Variants in TUSC3 observed in about 807,000 individuals in gnomAD.
TUSC3 encodes dolichyl-diphosphooligosaccharide--protein glycosyltransferase subunit TUSC3.
TUSC3 carries 45 observed loss-of-function variants against 44.8 expected under a neutral mutation model. That is an observed-to-expected ratio of 1.00 (90% CI 0.79 to 1.29). The LOEUF (loss-of-function observed/expected upper bound fraction) is 1.29. Among genes scored for constraint, TUSC3 ranks in the 50% most tolerant of loss-of-function variants. The pLI is 0.00. For synonymous variants in TUSC3, 212 were observed against 152.9 expected, an observed-to-expected ratio of 1.39 and a Z score of -2.85; for missense variants, 519 against 437.9, an observed-to-expected ratio of 1.19 and a Z score of -1.65.
Position 15,686,822 on chromosome 8 carries a change from A to C in TUSC3, c.798+12986A>C, listed in dbSNP as rs538232320. Among the ~76,000 whole-genome samples, 6 of 152,102 alleles carry C rather than the reference A, an allele frequency of 3.9e-5. No individual in the cohort carries two copies. In the East Asian group the frequency reaches 1.2e-3, roughly 29 times the overall value. ...GGTGGCTCAAGCCTGTAATCCCAGC[A>C]CTTTAGGAGGCCGAGTTTGGCGGAT... On this transcript the variant is annotated intron_variant, in intron 6 of 10. Transcript: ENST00000503731.
At chr8:15,705,216 G>A (rs1809568441) in intron 6 of TUSC3, among the ~76,000 whole-genome samples, 1 of 151,708 alleles carries the variant, frequency 6.6e-6, no homozygotes, top group Admixed American at 6.6e-5. Context: ...TTGATTTGAT[G>A]ATGAAAGGAA....
chr8:15,456,023 T>G (rs1166645058), intron 1 of TUSC3, among the ~76,000 whole-genome samples: 1 of 152,054 alleles, frequency 6.6e-6, no homozygotes, highest in Non-Finnish European at 1.5e-5. Context: ...TACCAACCAC[T>G]CCGGTGGCCC....
intron 1 of TUSC3, among the ~76,000 whole-genome samples, chr8:15,586,779 A>T (rs1803621482): frequency 6.6e-6 from 1 of 152,154 alleles, no homozygotes; most frequent in Non-Finnish European, 1.5e-5. Flanking sequence ...GGGGAGCAGG[A>T]TCAGTAGGTG....
At chr8:15,672,155 G>T (rs1807976864) in intron 5 of TUSC3, among the ~76,000 whole-genome samples, 1 of 152,010 alleles carries the variant, frequency 6.6e-6, no homozygotes, top group Non-Finnish European at 1.5e-5. Flanking sequence ...AGCATGCAGT[G>T]CCAGTTAAGG....
chr8:15,492,213 T>C (rs1418106285), intron 2 of TUSC3, among the ~76,000 whole-genome samples: 2 of 152,114 alleles, frequency 1.3e-5, no homozygotes, highest in Non-Finnish European at 2.9e-5. Flanking sequence ...TGAATCTTAC[T>C]TGGGTACGTT....
intron 1 of TUSC3, among the ~76,000 whole-genome samples, chr8:15,573,230 A>ATATATATATATATGT (rs1491232177): frequency 1.9e-5 from 2 of 106,134 alleles, no homozygotes; most frequent in African/African-American, 7.7e-5. Flanking sequence ...ATATATATAT[A>ATATATATATATATGT]AAAGTTTTTT....
intron 3 of TUSC3, among the ~76,000 whole-genome samples, chr8:15,652,018 T>A (rs140236420): frequency 9.8e-5 from 15 of 152,328 alleles, no homozygotes; most frequent in African/African-American, 1.2e-4. Context: ...GGTCACAAAG[T>A]TAGTGTAATG....
chr8:15,621,488 A>G (rs985035429), intron 1 of TUSC3, among the ~76,000 whole-genome samples: 1 of 130,204 alleles, frequency 7.7e-6, no homozygotes, highest in Non-Finnish European at 1.7e-5. Flanking sequence ...TTGGAAATAT[A>G]TATCTATAAA....
intron 9 of TUSC3, among the ~76,000 whole-genome samples, chr8:15,750,093 C>T (rs891698667): frequency 6.6e-6 from 1 of 151,062 alleles, no homozygotes; most frequent in Non-Finnish European, 1.5e-5. Context: ...CATTCTCCTG[C>T]CTCAGCCTCC....
At chr8:15,623,818 C>T (rs35141734) in intron 2 of TUSC3, among the ~76,000 whole-genome samples, 32,683 of 151,884 alleles carry the variant, frequency 0.22, 4,174 homozygotes, top group Non-Finnish European at 0.29. Context: ...ACATCTTTTA[C>T]CCAGTTTCCT....
At chr8:15,684,212 TG>T (rs1808532729) in intron 6 of TUSC3, among the ~76,000 whole-genome samples, 1 of 150,828 alleles carries the variant, frequency 6.6e-6, no homozygotes, top group African/African-American at 2.5e-5. Flanking sequence ...CAGGGGTGGG[TG>T]GGGGGCAGGC....
intron 5 of TUSC3, among the ~76,000 whole-genome samples, chr8:15,670,787 T>C (rs899129761): frequency 1.3e-5 from 2 of 151,892 alleles, no homozygotes; most frequent in African/African-American, 4.8e-5. Flanking sequence ...ATTTGCCATG[T>C]GTATATTTAA....
At position 15,491,512 on chromosome 8, in the gene TUSC3, C is replaced by A. The variant is rs1186798813; in HGVS notation, n.189+8029C>A. 3.9e-5 allele frequency among the ~76,000 whole-genome samples: 6 copies of A among 152,074 alleles called. No homozygotes were observed. In the East Asian group the frequency reaches 1.2e-3, roughly 29 times the overall value. On this transcript the variant is annotated intron_variant and non_coding_transcript_variant, in intron 2 of 5. Transcript: ENST00000503191. Reference sequence around the variant, plus strand: ...TACCCAAAGGTTTAGGTAACTAAGGCATGAAGAAATTTCTAGTCAAGAGAT... The same window carrying A: ...TACCCAAAGGTTTAGGTAACTAAGGAATGAAGAAATTTCTAGTCAAGAGAT...
At chr8:15,680,629 A>T (rs1287605186) in intron 6 of TUSC3, among the ~76,000 whole-genome samples, 4 of 152,064 alleles carry the variant, frequency 2.6e-5, no homozygotes. Context: ...TACTATGCTG[A>T]ATAGTAGTAG....
chr8:15,735,106 T>C (rs552876783), intron 7 of TUSC3, among the ~76,000 whole-genome samples: 2 of 152,146 alleles, frequency 1.3e-5, no homozygotes, highest in Non-Finnish European at 2.9e-5. Flanking sequence ...CATGCCTGTT[T>C]AGGGAACAGA....
At chr8:15,591,818 G>A (rs890385960) in intron 1 of TUSC3, among the ~76,000 whole-genome samples, 1 of 152,088 alleles carries the variant, frequency 6.6e-6, no homozygotes, top group African/African-American at 2.4e-5. Context: ...ACATTGTAGC[G>A]CCTTCTTAGT....
intron 10 of TUSC3, chr8:15,758,339 G>C (rs1812020139): frequency 1.2e-5 from 8 of 694,716 alleles, no homozygotes; most frequent in Admixed American, 6.4e-5. Context: ...ACAGATAGTA[G>C]GTACTTTATT....
intron 1 of TUSC3, among the ~76,000 whole-genome samples, chr8:15,428,758 T>G (rs1249319403): frequency 1.3e-5 from 2 of 152,230 alleles, no homozygotes; most frequent in Admixed American, 6.5e-5. Context: ...TTTGGCTGCA[T>G]AAATGTCGTC....
downstream of TUSC3, chr8:15,766,657 C>G (rs1812333692): frequency 2.0e-5 from 3 of 152,046 alleles, no homozygotes; most frequent in Non-Finnish European, 4.4e-5. Context: ...GCATTTTGTG[C>G]TTACTGCAGT....
Sources: allele counts gnomAD v4.1 joint callset (sites outside exome capture counted in the v4.1 genomes callset), GRCh38; gene constraint gnomAD v4.1.1; transcripts MANE v1.5; gene names NCBI Gene and HGNC (gene_info 2026-07-23, HGNC 2026-07-21).